GPATCH1: variants seen among roughly 807,000 people sequenced by gnomAD.
GPATCH1 encodes the protein G patch domain-containing protein 1.
Under a neutral mutation model 114.9 loss-of-function variants are expected in GPATCH1, and 73 were observed. That is an observed-to-expected ratio of 0.64 (90% CI 0.53 to 0.77). GPATCH1 has a LOEUF of 0.77. GPATCH1 is among the 30% of genes least tolerant of loss of function. The pLI, the probability that GPATCH1 is intolerant of heterozygous loss-of-function variation, is 0.00. For missense variants in GPATCH1, 1,058 were observed against 1,144.3 expected, an observed-to-expected ratio of 0.92 and a Z score of 1.09; for synonymous variants, 391 against 428.4, an observed-to-expected ratio of 0.91 and a Z score of 1.08.
intron 17 of GPATCH1, among the ~76,000 whole-genome samples, chr19:33,122,592 G>T (rs372300467): frequency 1.3e-5 from 2 of 152,182 alleles, no homozygotes; most frequent in East Asian, 3.9e-4. Context: ...CAAAGTGCTG[G>T]GATTACAGGC....
At chr19:33,105,850 T>G (rs983242892) in intron 9 of GPATCH1, among the ~76,000 whole-genome samples, 5 of 151,290 alleles carry the variant, frequency 3.3e-5, no homozygotes, top group African/African-American at 1.2e-4. Flanking sequence ...TGTCTTTCTT[T>G]TTTTTTTGTT....
At chr19:33,090,635 T>C in intron 2 of GPATCH1, 145 bp from the exon 3 acceptor site, 2 of 563,438 alleles carry the variant, frequency 3.5e-6, no homozygotes. Flanking sequence ...TGTGGAATAA[T>C]TACGTCTATA....
chr19:33,083,674 C>T lies in GPATCH1; in HGVS notation c.73+2408C>T, dbSNP rs148104113. Among the ~76,000 whole-genome samples the T allele has an allele frequency of 2.6e-3, 391 of 152,232 alleles. 1 individual carries two copies. The highest frequency in any genetic ancestry group is 8.9e-3 in the African/African-American group (368 of 41,540). On this transcript the variant is annotated intron_variant, in intron 1 of 19. Transcript: ENST00000170564. ...CCTCCCAAAGTGTTGGAATTACAGGCGTGAGCCATTGCATGTGGCCCCCAA... is the reference window on the plus strand; with the variant it reads ...CCTCCCAAAGTGTTGGAATTACAGGTGTGAGCCATTGCATGTGGCCCCCAA...
intron 17 of GPATCH1, 23 bp downstream of exon 17, chr19:33,119,140 C>T (rs752391278): frequency 5.6e-6 from 8 of 1,417,712 alleles, no homozygotes; most frequent in South Asian, 1.2e-5. Context: ...CCCTTTGGTT[C>T]GCCCATTTTT....
intron 8 of GPATCH1, among the ~76,000 whole-genome samples, chr19:33,098,792 G>A (rs1160073620): frequency 6.6e-6 from 1 of 152,142 alleles, no homozygotes. Flanking sequence ...TGACTGGGAT[G>A]GTATGACAGG....
At chr19:33,084,141 CT>C (rs1469101069) in intron 1 of GPATCH1, among the ~76,000 whole-genome samples, 5 of 152,344 alleles carry the variant, frequency 3.3e-5, no homozygotes, top group Middle Eastern at 3.4e-3. Flanking sequence ...TTTAAATGCA[CT>C]CTGTCTGTAT....
chr19:33,098,042 C>T (rs1972683939), intron 8 of GPATCH1, 140 bp downstream of exon 8: 4 of 850,998 alleles, frequency 4.7e-6, no homozygotes, highest in East Asian at 2.5e-5. Context: ...AAGCGAGGCC[C>T]AGCATGGGAA....
At chr19:33,118,890 T>C in intron 16 of GPATCH1, 120 bp from the exon 17 acceptor site, 1 of 603,674 alleles carries the variant, frequency 1.7e-6, no homozygotes, top group South Asian at 2.0e-5. Context: ...CCTTAGCACC[T>C]GGCAGGAGTG....
Position 33,109,856 on chromosome 19 carries a change from G to A in GPATCH1, c.1425G>A (p.Gln475=), listed in dbSNP as rs1972830123. The A allele has an allele frequency of 6.2e-7, 1 of 1,614,048 alleles. No homozygotes were observed. The highest frequency in any genetic ancestry group is 8.5e-7 in the Non-Finnish European group (1 of 1,180,018). The change falls in exon 11 of 20, where the codon CAG becomes CAA. Residue 475 remains glutamine, a synonymous_variant. Transcript: ENST00000170564. ...AGAACGCTCAGAGCAGCAGAGCCCA[G>A]CTCTCCCCTGCAGCGGCTGCTGGGC... The part of the protein sequence containing the change: ...LAQNAQSSRA[Q]LSPAAAAGHC...
chr19:33,116,178 T>C (rs1156613416), intron 15 of GPATCH1, among the ~76,000 whole-genome samples: 1 of 152,338 alleles, frequency 6.6e-6, no homozygotes, highest in East Asian at 1.9e-4. Context: ...CCTCCCTCTA[T>C]GCTGTCTTAC....
intron 13 of GPATCH1, chr19:33,113,529 C>T (rs568639746): frequency 2.3e-6 from 1 of 441,460 alleles, no homozygotes; most frequent in Non-Finnish European, 4.0e-6. Flanking sequence ...ATCAGTGGAG[C>T]TTTTCCTTAA....
intron 9 of GPATCH1, among the ~76,000 whole-genome samples, chr19:33,103,950 T>C (rs1972754557): frequency 6.6e-6 from 1 of 152,044 alleles, no homozygotes; most frequent in Non-Finnish European, 1.5e-5. Flanking sequence ...TCATCTAGCC[T>C]TTCACACACA....
chr19:33,100,050 C>G (rs190339910), intron 8 of GPATCH1: 1 of 151,964 alleles, frequency 6.6e-6, no homozygotes, highest in South Asian at 2.1e-4. Flanking sequence ...GAATTACAGG[C>G]GTGAGCTACC....
chr19:33,096,518 T>C lies in GPATCH1; in HGVS notation c.852+72T>C, dbSNP rs1198408112. On this transcript the variant is annotated intron_variant, in intron 7 of 19. Transcript: ENST00000170564. Reference sequence around the variant, plus strand: ...GTCTACTTTCTTTCTTTCTTCTTTTTAGAGGTTCTTTATTTTCTTTTTTTT... The same window carrying C: ...GTCTACTTTCTTTCTTTCTTCTTTTCAGAGGTTCTTTATTTTCTTTTTTTT... 2.3e-6 allele frequency: 3 copies of C among 1,290,738 alleles called. No homozygotes were observed. The African/African-American group carries it at 4.5e-5, about 19-fold the overall frequency. 80.0% of individuals were successfully genotyped at this position (1,290,738 alleles called of 1,614,324 possible). A position where few individuals can be genotyped will look rare whatever the true frequency, so the allele number is the denominator to read the frequency against.
At position 33,118,926 on chromosome 19, in the gene GPATCH1, T is replaced by C. The variant is rs1972945698; in HGVS notation, c.2414-84T>C. Reference sequence around the variant, plus strand: ...AAGTGGTGTGGGCAAGCATATGTTATCTGGTGGCAAAAGACATGAATGAAA... The same window carrying C: ...AAGTGGTGTGGGCAAGCATATGTTACCTGGTGGCAAAAGACATGAATGAAA... On this transcript the variant is annotated intron_variant, in intron 16 of 19. Transcript: ENST00000170564. The C allele has an allele frequency of 3.9e-6, 3 of 771,982 alleles. No homozygotes were observed. The Admixed American group carries it at 7.6e-5, about 20-fold the overall frequency. The allele number at this position is 771,982 out of a possible 1,614,324, so 47.8% of individuals were successfully genotyped here. A position where few individuals can be genotyped will look rare whatever the true frequency, so the allele number is the denominator to read the frequency against.
At chr19:33,106,378 G>A (rs1330643396) in intron 9 of GPATCH1, among the ~76,000 whole-genome samples, 1 of 152,086 alleles carries the variant, frequency 6.6e-6, no homozygotes, top group Non-Finnish European at 1.5e-5. Flanking sequence ...CTACCTGTAG[G>A]CCCTGACATT....
At chr19:33,111,387 A>G (rs1374392358) in intron 11 of GPATCH1, among the ~76,000 whole-genome samples, 5 of 39,318 alleles carry the variant, frequency 1.3e-4, no homozygotes, top group South Asian at 2.0e-3. Flanking sequence ...CCATCTCAGA[A>G]AAAAAAAAAA....
At chr19:33,121,320 CTT>C (rs534893516) in intron 17 of GPATCH1, among the ~76,000 whole-genome samples, 4 of 124,516 alleles carry the variant, frequency 3.2e-5, no homozygotes, top group African/African-American at 3.3e-5. Context: ...CTTTTCTTTT[CTT>C]TTTTTTTTTT....
At position 33,096,376 on chromosome 19, in the gene GPATCH1, G is replaced by A. The variant is rs1455961163; in HGVS notation, c.782G>A (p.Gly261Asp). The change falls in exon 7 of 20, where the codon GGT (glycine) becomes GAT (aspartate). Residue 261 changes from glycine to aspartate, a missense_variant. Gly to Asp is a moderately conservative substitution (Grantham distance 94, BLOSUM62 -1). Transcript: ENST00000170564. ...SGEHFNLFSGGSERAGDLGEI... is the reference protein window; with the variant it reads ...SGEHFNLFSGDSERAGDLGEI... ...GAACATTTTAATCTTTTCAGTGGTG[G>A]TTCTGAGAGAGCTGGCGATCTTGGA... The A allele has an allele frequency of 6.2e-6, 10 of 1,613,864 alleles. No homozygotes were observed. The highest frequency in any genetic ancestry group is 1.3e-5 in the African/African-American group (1 of 74,908).
Sources: gnomAD v4.1 joint callset for allele counts (sites outside exome capture counted in the v4.1 genomes callset) on GRCh38, gnomAD v4.1.1 for gene constraint, MANE v1.5 for transcripts, NCBI Gene and HGNC (gene_info 2026-07-23, HGNC 2026-07-21) for gene names.